CFAP299: variants seen among roughly 807,000 people sequenced by gnomAD.
CFAP299 encodes cilia- and flagella-associated protein 299.
In CFAP299, 21 loss-of-function variants were observed where a neutral mutation model predicts 27.0. That is an observed-to-expected ratio of 0.78 (90% CI 0.55 to 1.12). CFAP299 has a LOEUF of 1.12. CFAP299 is among the 50% of genes most tolerant of loss of function. CFAP299 has a pLI of 0.00. For synonymous variants in CFAP299, 104 were observed against 98.1 expected (o/e 1.06, Z -0.36); for missense variants, 310 against 276.6 (o/e 1.12, Z -0.86).
At chr4:80,943,399 A>G (rs959964986) in intron 4 of CFAP299, among the ~76,000 whole-genome samples, 1 of 152,332 alleles carries the variant, frequency 6.6e-6, no homozygotes, top group African/African-American at 2.4e-5. Context: ...CTCAGAAAAC[A>G]ATATAATTCA....
chr4:80,384,624 G>A (rs1393065747), intron 2 of CFAP299, among the ~76,000 whole-genome samples: 1 of 152,142 alleles, frequency 6.6e-6, no homozygotes, highest in Non-Finnish European at 1.5e-5. Flanking sequence ...GATCGAGTAG[G>A]ACAAAGAGTT....
At chr4:80,382,006 A>T (rs894910906) in intron 2 of CFAP299, among the ~76,000 whole-genome samples, 6 of 152,216 alleles carry the variant, frequency 3.9e-5, no homozygotes, top group Non-Finnish European at 8.8e-5. Context: ...ATTTTAAAAG[A>T]TGGAGAGAAA....
intron 2 of CFAP299, among the ~76,000 whole-genome samples, chr4:80,366,113 A>G (rs1054095628): frequency 2.3e-4 from 35 of 152,230 alleles, no homozygotes; most frequent in Non-Finnish European, 4.1e-4. Flanking sequence ...CAGGGCCAGC[A>G]GATGGTGTCC....
chr4:80,654,016 TGA>T (rs1230269775), intron 3 of CFAP299, among the ~76,000 whole-genome samples: 1 of 152,142 alleles, frequency 6.6e-6, no homozygotes, highest in African/African-American at 2.4e-5. Flanking sequence ...TGCATTGAGC[TGA>T]GTTTATTTCA....
At chr4:80,474,928 G>A (rs912969611) in intron 2 of CFAP299, among the ~76,000 whole-genome samples, 4 of 152,062 alleles carry the variant, frequency 2.6e-5, no homozygotes, top group East Asian at 3.9e-4. Flanking sequence ...AAATAATGCC[G>A]AAAAAGGTGA....
intron 2 of CFAP299, among the ~76,000 whole-genome samples, chr4:80,393,825 A>G (rs1040159193): frequency 6.6e-6 from 1 of 152,070 alleles, no homozygotes; most frequent in Non-Finnish European, 1.5e-5. Context: ...GTATGTTGAT[A>G]TGGTTTGGCT....
chr4:80,389,139 A>T (rs1725194784), intron 2 of CFAP299, among the ~76,000 whole-genome samples: 1 of 152,178 alleles, frequency 6.6e-6, no homozygotes, highest in South Asian at 2.1e-4. Context: ...TATGCCTGGG[A>T]TAAGCTCAAC....
chr4:80,844,953 A>G (rs1731089215), intron 3 of CFAP299, among the ~76,000 whole-genome samples: 1 of 152,188 alleles, frequency 6.6e-6, no homozygotes, highest in African/African-American at 2.4e-5. Flanking sequence ...GAAGGGATCC[A>G]GTTTCAGCTT....
chr4:80,800,558 TATATAATATATTAATATAAATATATA>T lies in CFAP299; in HGVS notation c.334-69429_334-69404del, dbSNP rs1728482885. Among the ~76,000 whole-genome samples the T allele has an allele frequency of 1.8e-4, 7 of 39,716 alleles. 1 individual carries two copies. The highest frequency in any genetic ancestry group is 1.4e-3 in the African/African-American group (7 of 4,940). The allele number at this position is 39,716 out of a possible 152,430, so 26.1% of individuals were successfully genotyped here. A position where few individuals can be genotyped will look rare whatever the true frequency, so the allele number is the denominator to read the frequency against. ...TATAATATATAATATATCAATATATTATATAATATATTAATATAAATATATAATATATAATATATTAATATAAATAT... is the reference window on the plus strand; with the variant it reads ...TATAATATATAATATATCAATATATTATATATAATATATTAATATAAATAT... On this transcript the variant is annotated intron_variant, in intron 3 of 5. Coordinates refer to ENST00000358105, the MANE Select transcript of CFAP299 (RefSeq NM_152770.3).
At chr4:80,902,586 T>TACACACACACACACACAC (rs3038572) in intron 4 of CFAP299, among the ~76,000 whole-genome samples, 2 of 126,674 alleles carry the variant, frequency 1.6e-5, no homozygotes, top group African/African-American at 3.0e-5. Context: ...ATGTAATATA[T>TACACACACACACACACAC]ACACACACAC....
At position 80,387,783 on chromosome 4, in the gene CFAP299, G is replaced by T. The variant is rs1412189866; in HGVS notation, c.242+24899G>T. ...AGTTTTTGGTGAATGACTTGTCACA[G>T]TATGGGCACTTGAGTTTCTGAGCCT... On this transcript the variant is annotated intron_variant, in intron 2 of 5. Coordinates refer to ENST00000358105, the MANE Select transcript of CFAP299 (RefSeq NM_152770.3). 3 of 1,586,228 alleles carry T rather than the reference G, an allele frequency of 1.9e-6. No homozygotes were observed. The Admixed American group carries it at 5.0e-5, about 27-fold the overall frequency.
chr4:80,915,598 C>T (rs1735703307), intron 4 of CFAP299, among the ~76,000 whole-genome samples: 1 of 151,746 alleles, frequency 6.6e-6, no homozygotes, highest in African/African-American at 2.4e-5. Context: ...TTTTTCTAAG[C>T]TCCCTCTCTA....
chr4:80,555,732 G>A (rs2110214745), intron 2 of CFAP299, among the ~76,000 whole-genome samples: 1 of 152,166 alleles, frequency 6.6e-6, no homozygotes, highest in South Asian at 2.1e-4. Context: ...TTGGGAGGAT[G>A]TATGTGTCCA....
At chr4:80,639,421 T>C (rs1739612294) in intron 3 of CFAP299, among the ~76,000 whole-genome samples, 1 of 152,176 alleles carries the variant, frequency 6.6e-6, no homozygotes, top group South Asian at 2.1e-4. Context: ...ATATAAAAAT[T>C]CACAGCGGGA....
At chr4:80,420,116 C>T in intron 2 of CFAP299, 3 of 445,480 alleles carry the variant, frequency 6.7e-6, no homozygotes, top group South Asian at 3.2e-5. Context: ...GAAGAGCAGG[C>T]CTGTGTAGCA....
chr4:80,380,677 C>T lies in CFAP299; in HGVS notation c.242+17793C>T, dbSNP rs562590002. Among the ~76,000 whole-genome samples, 10 of 152,254 alleles carry T rather than the reference C, an allele frequency of 6.6e-5. No homozygotes were observed. The East Asian group carries it at 1.5e-3, about 24-fold the overall frequency. The stretch of plus-strand genomic sequence containing the variant: ...CTCCTGACCTCAGGTGAACCACCCA[C>T]CTTGGCCTCCCAAAGTACTGGGATT... On this transcript the variant is annotated intron_variant, in intron 2 of 5. Coordinates refer to ENST00000358105, the MANE Select transcript of CFAP299 (RefSeq NM_152770.3).
At chr4:80,819,610 G>C (rs1729596200) in intron 3 of CFAP299, among the ~76,000 whole-genome samples, 1 of 152,104 alleles carries the variant, frequency 6.6e-6, no homozygotes, top group African/African-American at 2.4e-5. Flanking sequence ...AAGTAGGGAA[G>C]CAATAGATTT....
Position 80,432,736 on chromosome 4 carries a change from T to C in CFAP299, c.242+69852T>C, listed in dbSNP as rs185454741. Among the ~76,000 whole-genome samples the C allele has an allele frequency of 4.8e-3, 730 of 151,442 alleles. 9 individuals carry two copies. Among genetic ancestry groups the C allele is most frequent in the African/African-American group, 0.017 (700 of 41,294 alleles). On this transcript the variant is annotated intron_variant, in intron 2 of 5. Transcript: ENST00000358105. ...TTTAGTAGAGATGGGGTTTCTGTGTTAGCCAGGATGGTCTCGATCTTCTAA... is the reference window on the plus strand; with the variant it reads ...TTTAGTAGAGATGGGGTTTCTGTGTCAGCCAGGATGGTCTCGATCTTCTAA...
intron 2 of CFAP299, among the ~76,000 whole-genome samples, chr4:80,438,172 G>A (rs545081322): frequency 2.0e-5 from 3 of 152,172 alleles, no homozygotes; most frequent in African/African-American, 7.2e-5. Flanking sequence ...CAGAATAGAG[G>A]GGTGAGATTA....
Sources: gnomAD v4.1 joint callset for allele counts (sites outside exome capture counted in the v4.1 genomes callset) on GRCh38, gnomAD v4.1.1 for gene constraint, MANE v1.5 for transcripts, NCBI Gene and HGNC (gene_info 2026-07-23, HGNC 2026-07-21) for gene names.